MS4A8: variants seen among roughly 807,000 people sequenced by gnomAD.
The protein encoded by MS4A8 is membrane spanning 4-domains A8.
In MS4A8, 27 loss-of-function variants were observed where a neutral mutation model predicts 23.7. The ratio of observed to expected loss-of-function variants is 1.14; its 90% confidence interval spans 0.84 to 1.57. The LOEUF (loss-of-function observed/expected upper bound fraction) is 1.57. Among genes scored for constraint, MS4A8 ranks in the 40% most tolerant of loss-of-function variants. The probability of loss-of-function intolerance (pLI) is 0.00; values close to 1 mark genes in which losing one functional copy is unlikely to be tolerated. For missense variants in MS4A8, 301 were observed against 311.4 expected, an observed-to-expected ratio of 0.97 and a Z score of 0.25; for synonymous variants, 138 against 126.3, an observed-to-expected ratio of 1.09 and a Z score of -0.62.
At chr11:60,706,881 G>A (rs2088260010) in intron 3 of MS4A8, 107 bp from the exon 4 acceptor site, 1 of 926,726 alleles carries the variant, frequency 1.1e-6, no homozygotes, top group African/African-American at 1.6e-5. Flanking sequence ...ATGTTGAGCT[G>A]ATGGTTCCAG....
At chr11:60,710,305 C>T (rs1317295337) in intron 5 of MS4A8, among the ~76,000 whole-genome samples, 1 of 152,252 alleles carries the variant, frequency 6.6e-6, no homozygotes, top group Admixed American at 6.5e-5. Flanking sequence ...ATGGTCAACT[C>T]AATAGCTCAT....
intron 5 of MS4A8, among the ~76,000 whole-genome samples, chr11:60,709,523 C>G (rs57542480): frequency 0.046 from 7,007 of 152,236 alleles, 511 homozygotes; most frequent in African/African-American, 0.16. Context: ...ATTTGGGGAA[C>G]TAAATCTTTG....
chr11:60,712,321 T>C (rs1354982458), intron 5 of MS4A8: 1 of 985,086 alleles, frequency 1.0e-6, no homozygotes, highest in Non-Finnish European at 1.2e-6. Context: ...GCATCTGTTT[T>C]CCTACTAGAT....
intron 4 of MS4A8, 140 bp downstream of exon 4, chr11:60,707,187 C>T (rs1285619622): frequency 2.2e-5 from 18 of 821,802 alleles, no homozygotes; most frequent in Non-Finnish European, 3.1e-5. Context: ...CACACATTCC[C>T]GCTCATACAG....
intron 4 of MS4A8, among the ~76,000 whole-genome samples, chr11:60,707,616 C>T (rs907629542): frequency 3.5e-4 from 53 of 152,266 alleles, no homozygotes; most frequent in African/African-American, 8.7e-4. Flanking sequence ...CAGGTCCCTA[C>T]AACCAGATGA....
intron 5 of MS4A8, among the ~76,000 whole-genome samples, chr11:60,714,017 C>G (rs1194671616): frequency 6.8e-6 from 1 of 147,204 alleles, no homozygotes; most frequent in Non-Finnish European, 1.5e-5. Flanking sequence ...CTCCACTTCC[C>G]GGGTTCATGC....
In MS4A8 at chr11:60,699,756, G is replaced by C. The variant is rs535050964; in HGVS notation, c.-21G>C. The C allele has an allele frequency of 8.5e-5, 13 of 152,418 alleles. No homozygotes were observed. Among genetic ancestry groups the C allele is most frequent in the South Asian group, 4.1e-4 (2 of 4,824 alleles). The allele number at this position is 152,418 out of a possible 1,614,324, so 9.4% of individuals were successfully genotyped here. ...GAAAAGGAATAGGATCAAGAGATACGTGGCTGCTGGCAGAGCAAGGTGAGT... is the reference window on the plus strand; with the variant it reads ...GAAAAGGAATAGGATCAAGAGATACCTGGCTGCTGGCAGAGCAAGGTGAGT... On this transcript the variant is annotated 5_prime_UTR_variant, in exon 1 of 7. Coordinates refer to ENST00000300226, the MANE Select transcript of MS4A8 (RefSeq NM_031457.2).
At position 60,707,954 on chromosome 11, in the gene MS4A8, C is replaced by T. The variant is rs145210420; in HGVS notation, c.403-696C>T. On this transcript the variant is annotated intron_variant, in intron 4 of 6. Coordinates refer to ENST00000300226, the MANE Select transcript of MS4A8 (RefSeq NM_031457.2). ...AAGCAATTCTCCTGCCTCAGCCTCC[C>T]TAGTAGCTGGGATTACAGGTGCACA... 1.7e-4 allele frequency among the ~76,000 whole-genome samples: 26 copies of T among 151,604 alleles called. 1 individual carries two copies. The East Asian group carries it at 4.8e-3, about 28-fold the overall frequency.
At chr11:60,710,639 G>A (rs958242278) in intron 5 of MS4A8, among the ~76,000 whole-genome samples, 3 of 152,140 alleles carry the variant, frequency 2.0e-5, no homozygotes, top group African/African-American at 7.2e-5. Flanking sequence ...GCTCACTGCA[G>A]CTGTTTATAG....
At chr11:60,703,056 T>C in intron 2 of MS4A8, 1 of 193,926 alleles carries the variant, frequency 5.2e-6, no homozygotes, top group South Asian at 1.2e-4. Flanking sequence ...TGAGCAGCCC[T>C]GAAAAAACAT....
At position 60,715,774 on chromosome 11, in the gene MS4A8, T is replaced by C. The variant is rs2088339066; in HGVS notation, c.*360T>C. 2 of 280,010 alleles carry C rather than the reference T, an allele frequency of 7.1e-6. No homozygotes were observed. Among genetic ancestry groups the C allele is most frequent in the Non-Finnish European group, 1.4e-5 (2 of 146,166 alleles). 17.3% of individuals were successfully genotyped at this position (280,010 alleles called of 1,614,324 possible). A position where few individuals can be genotyped will look rare whatever the true frequency, so the allele number is the denominator to read the frequency against. ...AGACATTCAATCTTCACTCTTTCAATTGTGCATTCATTTAATAAATAGATA... is the reference window on the plus strand; with the variant it reads ...AGACATTCAATCTTCACTCTTTCAACTGTGCATTCATTTAATAAATAGATA... On this transcript the variant is annotated 3_prime_UTR_variant, in exon 7 of 7. Transcript: ENST00000300226.
intron 5 of MS4A8, chr11:60,711,834 G>C (rs1392150934): frequency 6.6e-6 from 3 of 455,998 alleles, no homozygotes; most frequent in African/African-American, 6.0e-5. Flanking sequence ...TCTTAGTTCT[G>C]CCAATGATTG....
chr11:60,709,581 G>A (rs1405069050), intron 5 of MS4A8, among the ~76,000 whole-genome samples: 1 of 152,198 alleles, frequency 6.6e-6, no homozygotes, highest in Non-Finnish European at 1.5e-5. Context: ...TTTGGGACCA[G>A]CTACATCTCA....
intron 5 of MS4A8, among the ~76,000 whole-genome samples, chr11:60,713,550 G>T (rs148008402): frequency 1.5e-3 from 226 of 152,250 alleles, no homozygotes; most frequent in African/African-American, 5.2e-3. Flanking sequence ...CCCACCTCCA[G>T]CCCTAAGGCA....
chr11:60,708,575 A>G, intron 4 of MS4A8, 75 bp from the exon 5 acceptor site: 12 of 1,423,170 alleles, frequency 8.4e-6, no homozygotes, highest in Non-Finnish European at 1.1e-5. Context: ...GGAAAAAGAA[A>G]CACTTGTTGG....
intron 5 of MS4A8, among the ~76,000 whole-genome samples, chr11:60,712,846 T>G (rs1250229026): frequency 6.6e-6 from 1 of 152,012 alleles, no homozygotes; most frequent in Non-Finnish European, 1.5e-5. Context: ...TGGTACCTAC[T>G]GCATGCCATC....
intron 3 of MS4A8, among the ~76,000 whole-genome samples, chr11:60,704,074 C>T (rs368434930): frequency 1.3e-5 from 2 of 151,886 alleles, no homozygotes; most frequent in Non-Finnish European, 1.5e-5. Flanking sequence ...GCTACAACCC[C>T]GCAAGGTGAC....
At position 60,715,645 on chromosome 11, in the gene MS4A8, C is replaced by A. The variant is rs896974037; in HGVS notation, c.*231C>A. On this transcript the variant is annotated 3_prime_UTR_variant, in exon 7 of 7. Transcript: ENST00000300226. ...TAACCAAGAGGGACTCCCTAGGGCA[C>A]ATGCATCAGCACATATGTGGGCATC... 10 of 520,180 alleles carry A rather than the reference C, an allele frequency of 1.9e-5. No individual in the cohort carries two copies. The highest frequency in any genetic ancestry group is 3.8e-5 in the African/African-American group (2 of 52,160). The allele number at this position is 520,180 out of a possible 1,614,324, so 32.2% of individuals were successfully genotyped here. A position where few individuals can be genotyped will look rare whatever the true frequency, so the allele number is the denominator to read the frequency against.
At chr11:60,704,011 C>T (rs963015200) in intron 3 of MS4A8, among the ~76,000 whole-genome samples, 1 of 151,680 alleles carries the variant, frequency 6.6e-6, no homozygotes, top group Non-Finnish European at 1.5e-5. Flanking sequence ...CTTCAATCTA[C>T]GAAATTTGGT....
Sources: allele counts gnomAD v4.1 joint callset (sites outside exome capture counted in the v4.1 genomes callset), GRCh38; gene constraint gnomAD v4.1.1; transcripts MANE v1.5; gene names NCBI Gene and HGNC (gene_info 2026-07-23, HGNC 2026-07-21).